PCDH15: variants seen among roughly 807,000 people sequenced by gnomAD.
PCDH15 encodes protocadherin related 15.
A neutral mutation model predicts 178.5 loss-of-function variants in PCDH15; 129 were observed. The observed-to-expected ratio is 0.72, with a 90% CI of 0.63 to 0.84. The LOEUF (loss-of-function observed/expected upper bound fraction) is 0.84, where lower values mean the gene tolerates loss of function less well. Among genes scored for constraint, PCDH15 ranks in the 40% least tolerant of loss-of-function variants. The pLI, the probability that PCDH15 is intolerant of heterozygous loss-of-function variation, is 0.00. For synonymous variants in PCDH15, 800 were observed against 732.0 expected, an observed-to-expected ratio of 1.09 and a Z score of -1.50; for missense variants, 2,230 against 2,099.9, an observed-to-expected ratio of 1.06 and a Z score of -1.21.
intron 18 of PCDH15, among the ~76,000 whole-genome samples, chr10:54,041,796 T>G (rs1449709064): frequency 6.6e-6 from 1 of 152,102 alleles, no homozygotes; most frequent in Non-Finnish European, 1.5e-5. Context: ...AACTTTAGTT[T>G]TCACACTGTC....
chr10:55,469,693 G>A (rs1839915309), intron 2 of PCDH15, among the ~76,000 whole-genome samples: 2 of 151,812 alleles, frequency 1.3e-5, no homozygotes, highest in Admixed American at 6.6e-5. Context: ...TTCTACTTAA[G>A]GGGTTTTCAT....
At chr10:54,986,938 C>A (rs1183113026) in intron 2 of PCDH15, among the ~76,000 whole-genome samples, 1 of 152,008 alleles carries the variant, frequency 6.6e-6, no homozygotes, top group Non-Finnish European at 1.5e-5. Flanking sequence ...GCAGAATATG[C>A]AGGTTTACTA....
Position 54,831,191 on chromosome 10 carries a change from T to C in PCDH15, c.-29+66259A>G, listed in dbSNP as rs543718124. The stretch of plus-strand genomic sequence containing the variant: ...GGATAAAAGATACATGTAAGATAAT[T>C]TTTTTATTCCTGATCTAACAAAAAA... On this transcript the variant is annotated intron_variant, in intron 3 of 5. Transcript: ENST00000458638. Among the ~76,000 whole-genome samples, 4 of 152,088 alleles carry C rather than the reference T, an allele frequency of 2.6e-5. No homozygotes were observed. The South Asian group carries it at 8.3e-4, about 32-fold the overall frequency.
chr10:54,797,905 T>G (rs1363598129), intron 1 of PCDH15, among the ~76,000 whole-genome samples: 2 of 151,994 alleles, frequency 1.3e-5, no homozygotes, highest in Non-Finnish European at 2.9e-5. Flanking sequence ...CTCACTTCAG[T>G]TTATACACCA....
At chr10:55,238,573 C>G (rs1178256730) in intron 1 of PCDH15, among the ~76,000 whole-genome samples, 1 of 152,070 alleles carries the variant, frequency 6.6e-6, no homozygotes, top group Non-Finnish European at 1.5e-5. Context: ...GACCTTGAAT[C>G]AACCAATGAT....
chr10:54,303,974 A>T (rs551332631), intron 8 of PCDH15, among the ~76,000 whole-genome samples: 1 of 152,228 alleles, frequency 6.6e-6, no homozygotes, highest in South Asian at 2.1e-4. Context: ...TTAAGAAACA[A>T]GTGCTGTTTC....
chr10:54,296,618 G>A (rs913912976), intron 8 of PCDH15, among the ~76,000 whole-genome samples: 1 of 152,056 alleles, frequency 6.6e-6, no homozygotes, highest in Non-Finnish European at 1.5e-5. Flanking sequence ...TAGGCACCCA[G>A]GCTCACCAAT....
At chr10:54,862,546 C>G (rs554457629) in intron 3 of PCDH15, among the ~76,000 whole-genome samples, 2 of 152,232 alleles carry the variant, frequency 1.3e-5, no homozygotes, top group East Asian at 3.9e-4. Context: ...TGATCCCCAA[C>G]GCAGCATTGT....
intron 3 of PCDH15, among the ~76,000 whole-genome samples, chr10:54,879,812 CTTAAT>C (rs1954227437): frequency 1.3e-5 from 2 of 151,724 alleles, no homozygotes; most frequent in African/African-American, 4.8e-5. Flanking sequence ...ACATATTGAT[CTTAAT>C]TTTATAGCTA....
Position 54,020,436 on chromosome 10 carries a change from A to T in PCDH15, c.2527-20T>A. On this transcript the variant is annotated intron_variant, in intron 19 of 37. Transcript: ENST00000644397. ...TTTGGCCTGTAATAAGCAGAAGAATAGTTTTATTAGTGACGTTACCAAAAT... is the reference window on the plus strand; with the variant it reads ...TTTGGCCTGTAATAAGCAGAAGAATTGTTTTATTAGTGACGTTACCAAAAT... 3 of 1,607,050 alleles carry T rather than the reference A, an allele frequency of 1.9e-6. No homozygotes were observed. The highest frequency in any genetic ancestry group is 2.6e-6 in the Non-Finnish European group (3 of 1,174,068).
At chr10:54,347,776 T>G (rs999714171) in intron 5 of PCDH15, among the ~76,000 whole-genome samples, 15 of 152,152 alleles carry the variant, frequency 9.9e-5, no homozygotes, top group Non-Finnish European at 1.9e-4. Context: ...ATGGAGCCCA[T>G]GCTACCAAGT....
chr10:53,938,423 C>G (rs749661275), intron 25 of PCDH15, among the ~76,000 whole-genome samples: 2 of 151,950 alleles, frequency 1.3e-5, no homozygotes, highest in Non-Finnish European at 2.9e-5. Context: ...TTTTTCTTTT[C>G]TCGAAGAAAA....
chr10:54,057,520 G>A (rs1423383333), intron 18 of PCDH15, among the ~76,000 whole-genome samples: 1 of 152,056 alleles, frequency 6.6e-6, no homozygotes, highest in Non-Finnish European at 1.5e-5. Flanking sequence ...TAGAGTGGCT[G>A]GGATACAGGG....
intron 3 of PCDH15, among the ~76,000 whole-genome samples, chr10:54,428,206 C>T (rs1284338303): frequency 6.6e-6 from 1 of 152,114 alleles, no homozygotes; most frequent in Non-Finnish European, 1.5e-5. Flanking sequence ...AACTAACCTG[C>T]CCAAAGCGGT....
intron 2 of PCDH15, among the ~76,000 whole-genome samples, chr10:55,533,301 C>T (rs1471777201): frequency 1.3e-5 from 2 of 152,176 alleles, no homozygotes; most frequent in African/African-American, 4.8e-5. Flanking sequence ...TCTACCTTTA[C>T]TGATGACATT....
At chr10:54,310,951 G>A (rs1248497554) in intron 8 of PCDH15, among the ~76,000 whole-genome samples, 1 of 152,076 alleles carries the variant, frequency 6.6e-6, no homozygotes, top group Non-Finnish European at 1.5e-5. Flanking sequence ...TATTTAATGT[G>A]AGGCTATGCC....
intron 21 of PCDH15, among the ~76,000 whole-genome samples, chr10:53,977,171 G>A (rs1048039673): frequency 6.6e-6 from 1 of 152,106 alleles, no homozygotes; most frequent in African/African-American, 2.4e-5. Context: ...CCCTGGCAAT[G>A]CTTTTTGTCT....
chr10:54,746,102 T>C (rs1945427936), intron 1 of PCDH15, among the ~76,000 whole-genome samples: 1 of 152,028 alleles, frequency 6.6e-6, no homozygotes, highest in Non-Finnish European at 1.5e-5. Context: ...TACAATAGGG[T>C]TTCTCAAGCA....
intron 3 of PCDH15, among the ~76,000 whole-genome samples, chr10:54,877,936 C>CTT (rs1954176789): frequency 1.0e-3 from 105 of 104,302 alleles, no homozygotes; most frequent in Non-Finnish European, 1.5e-3. Flanking sequence ...CTCTCTCTCT[C>CTT]TCTTTTTTTT....
Sources: gnomAD v4.1 joint callset for allele counts (sites outside exome capture counted in the v4.1 genomes callset) on GRCh38, gnomAD v4.1.1 for gene constraint, MANE v1.5 for transcripts, NCBI Gene and HGNC (gene_info 2026-07-23, HGNC 2026-07-21) for gene names.